Variants in UST observed in about 807,000 individuals in gnomAD.
UST encodes uronyl 2-sulfotransferase.
UST carries 21 observed loss-of-function variants against 45.6 expected under a neutral mutation model. That is an observed-to-expected ratio of 0.46 (90% CI 0.33 to 0.66). UST has a LOEUF of 0.66. Among genes scored for constraint, UST ranks in the 30% least tolerant of loss-of-function variants. UST has a pLI of 0.02. For missense variants in UST, 463 were observed against 512.4 expected (o/e 0.90, Z 0.93); for synonymous variants, 215 against 200.6 (o/e 1.07, Z -0.61).
chr6:148,765,679 G>A (rs1267540724), intron 1 of UST, among the ~76,000 whole-genome samples: 1 of 152,170 alleles, frequency 6.6e-6, no homozygotes, highest in Non-Finnish European at 1.5e-5. Context: ...AGTGATAAAT[G>A]TCCATGAAAT....
chr6:149,055,038 T>C (rs542679910), intron 7 of UST, among the ~76,000 whole-genome samples: 2 of 152,144 alleles, frequency 1.3e-5, no homozygotes, highest in South Asian at 4.1e-4. Context: ...CTCAATCCTT[T>C]ACACTTCGAG....
chr6:148,853,120 C>T (rs561381652), intron 1 of UST, among the ~76,000 whole-genome samples: 1 of 152,288 alleles, frequency 6.6e-6, no homozygotes, highest in African/African-American at 2.4e-5. Context: ...CTCCCTCCCC[C>T]AACAGGCCCC....
intron 5 of UST, among the ~76,000 whole-genome samples, chr6:148,993,956 CTTTTTTTTTTTTT>C (rs57552256): frequency 1.3e-4 from 12 of 95,362 alleles, no homozygotes; most frequent in South Asian, 3.7e-4. Context: ...TATTTCTTTC[CTTTTTTTTTTTTT>C]TTTTTTTTTT....
intron 7 of UST, among the ~76,000 whole-genome samples, chr6:149,035,886 TGTTA>T (rs1776233327): frequency 6.6e-6 from 1 of 152,212 alleles, no homozygotes; most frequent in African/African-American, 2.4e-5. Flanking sequence ...GAAAAATATT[TGTTA>T]GTGATTGTAG....
In UST at chr6:148,865,356, G is replaced by A. The variant is rs1778405377; in HGVS notation, c.248-21630G>A. Among the ~76,000 whole-genome samples the A allele has an allele frequency of 2.6e-5, 4 of 152,178 alleles. No individual in the cohort carries two copies. The South Asian group carries it at 8.3e-4, about 32-fold the overall frequency. On this transcript the variant is annotated intron_variant, in intron 1 of 7. Coordinates refer to ENST00000367463, the MANE Select transcript of UST (RefSeq NM_005715.3). The stretch of plus-strand genomic sequence containing the variant: ...GCCCTTTTGGGCATGGGGTCACCGT[G>A]TTTAAAGCTTTTGAAAGACTCCCCA...
At chr6:149,061,735 C>T (rs942486778) in intron 7 of UST, among the ~76,000 whole-genome samples, 2 of 152,216 alleles carry the variant, frequency 1.3e-5, no homozygotes, top group African/African-American at 4.8e-5. Flanking sequence ...TCTGTGGATA[C>T]TCCCAAAAGC....
At chr6:148,904,566 C>G (rs1022381758) in intron 2 of UST, among the ~76,000 whole-genome samples, 1 of 152,086 alleles carries the variant, frequency 6.6e-6, no homozygotes, top group Admixed American at 6.6e-5. Context: ...CTCTGTCACC[C>G]AGGCTGGAGT....
At chr6:148,964,821 C>T (rs1780750469) in intron 5 of UST, 1 of 495,394 alleles carries the variant, frequency 2.0e-6, no homozygotes, top group African/African-American at 1.9e-5. Flanking sequence ...GTTTTGGGAC[C>T]CAGAGCGTTA....
chr6:148,888,047 G>T (rs1056083032), intron 2 of UST, among the ~76,000 whole-genome samples: 1 of 152,140 alleles, frequency 6.6e-6, no homozygotes, highest in Non-Finnish European at 1.5e-5. Flanking sequence ...AGAAATACCC[G>T]AGACTGGGTA....
intron 3 of UST, among the ~76,000 whole-genome samples, chr6:148,947,678 C>T (rs960081194): frequency 6.6e-6 from 1 of 152,188 alleles, no homozygotes. Flanking sequence ...ATCCCAGGAA[C>T]CTTTCTCTGG....
intron 2 of UST, among the ~76,000 whole-genome samples, chr6:148,895,067 C>T (rs904733089): frequency 9.9e-5 from 15 of 152,078 alleles, no homozygotes; most frequent in Non-Finnish European, 1.8e-4. Context: ...CCACCCACCT[C>T]GGCCTCCCAA....
chr6:148,964,328 G>C, intron 4 of UST, 82 bp from the exon 5 acceptor site: 1 of 1,536,876 alleles, frequency 6.5e-7, no homozygotes, highest in Non-Finnish European at 8.9e-7. Context: ...AGTTAACCTA[G>C]AGGGAAGGGG....
intron 5 of UST, among the ~76,000 whole-genome samples, chr6:148,975,212 T>C (rs1582937580): frequency 6.6e-6 from 1 of 152,348 alleles, no homozygotes; most frequent in Admixed American, 6.5e-5. Flanking sequence ...AGGTATTTCT[T>C]TTTTACATTC....
chr6:148,776,601 CCTTA>C (rs1157002547), intron 1 of UST, among the ~76,000 whole-genome samples: 1 of 152,086 alleles, frequency 6.6e-6, no homozygotes, highest in Non-Finnish European at 1.5e-5. Flanking sequence ...TACTGTAAGG[CCTTA>C]CTTATCTGGA....
chr6:149,028,225 C>T (rs1168472749), intron 7 of UST, among the ~76,000 whole-genome samples: 3 of 152,164 alleles, frequency 2.0e-5, no homozygotes, highest in Admixed American at 6.5e-5. Flanking sequence ...AACTGCATAA[C>T]CAGAGGCAAG....
intron 2 of UST, among the ~76,000 whole-genome samples, chr6:148,900,686 A>G (rs905766085): frequency 3.3e-4 from 51 of 152,350 alleles, no homozygotes; most frequent in African/African-American, 1.2e-3. Context: ...CTGCATTACC[A>G]TATTGTATTT....
At chr6:148,941,849 T>TG (rs1055617086) in intron 3 of UST, among the ~76,000 whole-genome samples, 2 of 152,188 alleles carry the variant, frequency 1.3e-5, no homozygotes, top group Non-Finnish European at 2.9e-5. Flanking sequence ...TATTGGTTGA[T>TG]GGGGGACATG....
At chr6:148,895,736 G>A (rs1427783963) in intron 2 of UST, among the ~76,000 whole-genome samples, 1 of 152,198 alleles carries the variant, frequency 6.6e-6, no homozygotes, top group Non-Finnish European at 1.5e-5. Flanking sequence ...GCTGCCATGT[G>A]AGATGTGCCT....
chr6:148,800,559 T>C (rs74386177), intron 1 of UST, among the ~76,000 whole-genome samples: 34,205 of 151,942 alleles, frequency 0.23, 4,153 homozygotes, highest in East Asian at 0.4. Flanking sequence ...CGTTACTGGT[T>C]ACCAGGAATG....
Sources: allele counts gnomAD v4.1 joint callset (sites outside exome capture counted in the v4.1 genomes callset), GRCh38; gene constraint gnomAD v4.1.1; transcripts MANE v1.5; gene names NCBI Gene and HGNC (gene_info 2026-07-23, HGNC 2026-07-21).